The following NAV1 variants were observed in gnomAD, a reference collection of about 807,000 sequenced individuals.
NAV1 encodes neuron navigator 1.
NAV1 carries 18 observed loss-of-function variants against 175.2 expected under a neutral mutation model. The ratio of observed to expected loss-of-function variants is 0.10; its 90% confidence interval spans 0.07 to 0.15. The LOEUF is 0.15. Among genes scored for constraint, NAV1 ranks in the 10% least tolerant of loss-of-function variants. The probability of loss-of-function intolerance (pLI) is 1.00; values close to 1 mark genes in which losing one functional copy is unlikely to be tolerated. For synonymous variants in NAV1, 897 were observed against 978.7 expected (o/e 0.92, Z 1.56); for missense variants, 1,731 against 2,436.6 (o/e 0.71, Z 6.10).
At chr1:201,651,233 C>A (rs1558038252) in intron 1 of NAV1, among the ~76,000 whole-genome samples, 1 of 151,130 alleles carries the variant, frequency 6.6e-6, no homozygotes, top group Non-Finnish European at 1.5e-5. Context: ...GGCACAGAAC[C>A]CTTTTCAGGG....
intron 1 of NAV1, among the ~76,000 whole-genome samples, chr1:201,651,698 A>G (rs1282671980): frequency 6.6e-6 from 1 of 152,178 alleles, no homozygotes; most frequent in Non-Finnish European, 1.5e-5. Flanking sequence ...AGGAAGAGTC[A>G]GCAGGCAGAG....
chr1:201,785,409 AATC>A lies in NAV1; in HGVS notation c.2846+61_2846+63del, dbSNP rs1676670710. On this transcript the variant is annotated intron_variant, in intron 8 of 29. Transcript: ENST00000367296. ...AATGGGACTGCTGGTATGTATGAAA[AATC>A]ATATCTCAACCTGTCCAAGGCTCCA... 48 of 1,543,094 alleles carry A rather than the reference AATC, an allele frequency of 3.1e-5. No individual in the cohort carries two copies. The South Asian group carries it at 5.6e-4, about 18-fold the overall frequency.
chr1:201,578,944 C>A (rs1666769805), intron 1 of NAV1, among the ~76,000 whole-genome samples: 1 of 151,956 alleles, frequency 6.6e-6, no homozygotes, highest in Non-Finnish European at 1.5e-5. Flanking sequence ...ACCAGCCTGG[C>A]CAACATGGTG....
At chr1:201,806,770 TACTC>T (rs1297897422) in intron 17 of NAV1, among the ~76,000 whole-genome samples, 3 of 152,298 alleles carry the variant, frequency 2.0e-5, no homozygotes, top group African/African-American at 4.8e-5. Context: ...GCTGCACACA[TACTC>T]ACTCATTCAT....
intron 2 of NAV1, among the ~76,000 whole-genome samples, chr1:201,716,465 T>G (rs1485720034): frequency 1.3e-5 from 2 of 152,228 alleles, no homozygotes; most frequent in African/African-American, 4.8e-5. Context: ...CACTACAGTC[T>G]CTGGCTTCGG....
At chr1:201,741,205 G>A (rs1673397664) in intron 3 of NAV1, among the ~76,000 whole-genome samples, 1 of 152,166 alleles carries the variant, frequency 6.6e-6, no homozygotes, top group Non-Finnish European at 1.5e-5. Context: ...TGAAACGAGA[G>A]GCATCTTCTG....
chr1:201,668,186 A>G (rs886492861), intron 1 of NAV1, among the ~76,000 whole-genome samples: 1 of 152,176 alleles, frequency 6.6e-6, no homozygotes, highest in African/African-American at 2.4e-5. Context: ...CTCAAAGAGC[A>G]GGCCAGCAAG....
intron 3 of NAV1, among the ~76,000 whole-genome samples, chr1:201,746,713 G>T (rs1005948143): frequency 6.6e-6 from 1 of 152,126 alleles, no homozygotes; most frequent in Non-Finnish European, 1.5e-5. Flanking sequence ...AAAATTTGGA[G>T]AGAATGACCA....
Position 201,698,355 on chromosome 1 carries a change from C to T in NAV1, c.758-14462C>T, listed in dbSNP as rs117267765. ...GCTGCACATGCCAACCTCTTGGCTGCAAGCTCCCTGAGGGCAGCCCCTATT... is the reference window on the plus strand; with the variant it reads ...GCTGCACATGCCAACCTCTTGGCTGTAAGCTCCCTGAGGGCAGCCCCTATT... On this transcript the variant is annotated intron_variant, in intron 1 of 29. Coordinates refer to ENST00000367296, the Ensembl canonical transcript of NAV1. Among the ~76,000 whole-genome samples, 1,285 of 152,360 alleles carry T rather than the reference C, an allele frequency of 8.4e-3. 40 individuals are homozygous for T. In the East Asian group the frequency reaches 0.092, roughly 11 times the overall value.
intron 1 of NAV1, among the ~76,000 whole-genome samples, chr1:201,572,315 G>C (rs866527979): frequency 6.6e-6 from 1 of 151,684 alleles, no homozygotes; most frequent in Non-Finnish European, 1.5e-5. Flanking sequence ...GGTAGGCCAA[G>C]TTCAAGATTT....
At chr1:201,824,992 G>A (rs1679591404) in exon 30 of NAV1, 1 of 152,180 alleles carries the variant, frequency 6.6e-6, no homozygotes, top group African/African-American at 2.4e-5. Flanking sequence ...ACACTGAGAG[G>A]CTTTGGGGCC....
intron 2 of NAV1, among the ~76,000 whole-genome samples, chr1:201,615,821 CA>C (rs1667986575): frequency 6.6e-6 from 1 of 152,138 alleles, no homozygotes; most frequent in African/African-American, 2.4e-5. Flanking sequence ...CTACCCTTTC[CA>C]CTGTGAGCAT....
chr1:201,568,817 C>G (rs1262187062), intron 1 of NAV1, among the ~76,000 whole-genome samples: 3 of 152,336 alleles, frequency 2.0e-5, no homozygotes, highest in Admixed American at 2.0e-4. Context: ...CACCGACTCC[C>G]TCTTCTTTCC....
At chr1:201,597,809 G>GT (rs1667398865) in intron 2 of NAV1, among the ~76,000 whole-genome samples, 1 of 152,224 alleles carries the variant, frequency 6.6e-6, no homozygotes, top group Non-Finnish European at 1.5e-5. Context: ...TGCTGTGCCC[G>GT]TGATGTCCTG....
At position 201,808,087 on chromosome 1, in the gene NAV1, AGAGACT is replaced by A; in HGVS notation, c.3785_3790del (p.Glu1262_Thr1263del). ...CCCCCAAACTACAGCATGGTTCTAC[AGAGACT>A]GCTTCACCCTCCATCAAGTCCTCCA... On this transcript the variant is annotated inframe_deletion, in exon 18 of 30. Transcript: ENST00000367296. The surrounding 1 kb of genome is among the most constrained non-coding windows in gnomAD (Gnocchi z 5.5). 6.2e-7 allele frequency: 1 copy of A among 1,614,180 alleles called. No individual in the cohort carries two copies. The highest frequency in any genetic ancestry group is 8.5e-7 in the Non-Finnish European group (1 of 1,180,024).
rs1672213691 is a variant in NAV1, at chr1:201,718,081, G to A, written c.861-309G>A. Among the ~76,000 whole-genome samples, 1 of 152,046 alleles carries A rather than the reference G, an allele frequency of 6.6e-6. No individual in the cohort carries two copies. The highest frequency in any genetic ancestry group is 2.4e-5 in the African/African-American group (1 of 41,372). ...AAGCTTTAGTTATTTACTTTCCTTG[G>A]GCTCCTTTACTAACCAATACCAAAA... is the stretch of plus-strand genomic sequence containing the variant. On this transcript the variant is annotated intron_variant, in intron 2 of 29. Coordinates refer to ENST00000367296, the Ensembl canonical transcript of NAV1. This position sits in a 1 kb window ranked among gnomAD's most constrained non-coding sequence, Gnocchi z 4.8.
At chr1:201,764,754 C>G (rs1434385757) in intron 3 of NAV1, among the ~76,000 whole-genome samples, 1 of 149,930 alleles carries the variant, frequency 6.7e-6, no homozygotes, top group East Asian at 1.9e-4. Flanking sequence ...GAGTCATAGA[C>G]ACATTTGAGA....
chr1:201,799,094 AAAAAG>A (rs1001806306), intron 15 of NAV1, among the ~76,000 whole-genome samples: 5 of 152,198 alleles, frequency 3.3e-5, no homozygotes, highest in African/African-American at 9.6e-5. Context: ...GAAAAAAAGA[AAAAAG>A]AAAAGAAAGA....
At chr1:201,819,022 A>C in intron 29 of NAV1, among the ~76,000 whole-genome samples, 1 of 152,208 alleles carries the variant, frequency 6.6e-6, no homozygotes, top group Non-Finnish European at 1.5e-5. Context: ...CCAGAGAAAA[A>C]AGTAAGTAAA....
Sources: gnomAD v4.1 joint callset for allele counts (sites outside exome capture counted in the v4.1 genomes callset) on GRCh38, gnomAD v4.1.1 for gene constraint, Gnocchi (gnomAD v3.1) non-coding constraint, MANE v1.5 for transcripts, NCBI Gene and HGNC (gene_info 2026-07-23, HGNC 2026-07-21) for gene names.